The following NEGR1 variants were observed in gnomAD, a reference collection of about 807,000 sequenced individuals.
NEGR1 encodes the protein neuronal growth regulator 1.
NEGR1 carries 10 observed loss-of-function variants against 40.9 expected under a neutral mutation model. That is an observed-to-expected ratio of 0.24 (90% CI 0.15 to 0.42). The LOEUF (loss-of-function observed/expected upper bound fraction) is 0.42, where lower values mean the gene tolerates loss of function less well. Ranked by LOEUF, NEGR1 falls within the 10% of genes least tolerant of loss-of-function variation. The pLI, the probability that NEGR1 is intolerant of heterozygous loss-of-function variation, is 1.00. For synonymous variants in NEGR1, 185 were observed against 166.8 expected, an observed-to-expected ratio of 1.11 and a Z score of -0.84; for missense variants, 352 against 438.9, an observed-to-expected ratio of 0.80 and a Z score of 1.77.
intron 4 of NEGR1, among the ~76,000 whole-genome samples, chr1:71,624,193 T>G (rs1461978849): frequency 6.6e-6 from 1 of 151,992 alleles, no homozygotes; most frequent in South Asian, 2.1e-4. Context: ...TGAGAAACAT[T>G]TCTAAGTCTT....
At chr1:71,781,793 C>G (rs1042866351) in intron 2 of NEGR1, among the ~76,000 whole-genome samples, 1 of 152,116 alleles carries the variant, frequency 6.6e-6, no homozygotes, top group Non-Finnish European at 1.5e-5. Context: ...TGTTATATAT[C>G]TATTTGAATT....
chr1:72,000,385 A>T (rs1303138838), intron 1 of NEGR1, among the ~76,000 whole-genome samples: 4 of 152,064 alleles, frequency 2.6e-5, no homozygotes, highest in Non-Finnish European at 4.4e-5. Flanking sequence ...TCTGTAAAAT[A>T]CTCATTTTAC....
intron 1 of NEGR1, among the ~76,000 whole-genome samples, chr1:72,016,837 G>A (rs1198954749): frequency 1.3e-5 from 2 of 152,110 alleles, no homozygotes; most frequent in African/African-American, 4.8e-5. Context: ...GTCGAATCCA[G>A]TTAATTACAA....
intron 2 of NEGR1, among the ~76,000 whole-genome samples, chr1:71,851,111 A>T (rs1659585246): frequency 6.6e-6 from 1 of 152,164 alleles, no homozygotes; most frequent in African/African-American, 2.4e-5. Context: ...AGCTTTGGCT[A>T]TCTACATGAC....
At chr1:71,544,387 T>A (rs1647820933) in intron 6 of NEGR1, among the ~76,000 whole-genome samples, 1 of 151,660 alleles carries the variant, frequency 6.6e-6, no homozygotes, top group Non-Finnish European at 1.5e-5. Context: ...ATGCTTTGAG[T>A]TCCACTTTGT....
chr1:71,793,331 G>C (rs1268550035), intron 2 of NEGR1, among the ~76,000 whole-genome samples: 2 of 23,224 alleles, frequency 8.6e-5, no homozygotes, highest in Middle Eastern at 0.048. Flanking sequence ...GGTTGGTCTT[G>C]AACTCCCGAC....
chr1:72,275,245 C>A lies in NEGR1; in HGVS notation c.176+7074G>T, dbSNP rs1226248863. 2.8e-5 allele frequency: 16 copies of A among 571,370 alleles called. 1 individual carries two copies. The Admixed American group carries it at 4.3e-4, about 15-fold the overall frequency. 35.4% of individuals were successfully genotyped at this position (571,370 alleles called of 1,614,324 possible). ...ATTTCTATTATTTATTCATAATGATCTTAAAAGTTATACCACATTTTTTTC... is the reference window on the plus strand; with the variant it reads ...ATTTCTATTATTTATTCATAATGATATTAAAAGTTATACCACATTTTTTTC... On this transcript the variant is annotated intron_variant, in intron 1 of 6. Coordinates refer to ENST00000357731, the MANE Select transcript of NEGR1 (RefSeq NM_173808.3).
chr1:71,823,830 G>A (rs1277833590), intron 2 of NEGR1, among the ~76,000 whole-genome samples: 2 of 152,040 alleles, frequency 1.3e-5, no homozygotes, highest in African/African-American at 4.8e-5. Context: ...GGCCAACGCC[G>A]CCTATTTTGC....
intron 4 of NEGR1, among the ~76,000 whole-genome samples, chr1:71,685,246 A>T (rs1324390131): frequency 1.3e-5 from 2 of 151,980 alleles, no homozygotes; most frequent in Non-Finnish European, 2.9e-5. Flanking sequence ...ATTCATTTAC[A>T]ATAGGGTTTA....
intron 1 of NEGR1, among the ~76,000 whole-genome samples, chr1:71,958,210 C>A (rs1265199287): frequency 6.6e-6 from 1 of 152,152 alleles, no homozygotes; most frequent in African/African-American, 2.4e-5. Flanking sequence ...TGCCTTGTAG[C>A]CTTCCCTTTC....
chr1:72,125,091 G>A (rs545739877), intron 1 of NEGR1, among the ~76,000 whole-genome samples: 5 of 152,174 alleles, frequency 3.3e-5, no homozygotes, highest in Middle Eastern at 3.4e-3. Flanking sequence ...GTTGTAAAGA[G>A]TGACATCTAG....
chr1:71,865,479 G>T (rs927366697), intron 2 of NEGR1, among the ~76,000 whole-genome samples: 7 of 152,072 alleles, frequency 4.6e-5, no homozygotes, highest in Non-Finnish European at 7.4e-5. Context: ...GCAAACTAAT[G>T]CAGGAACAGA....
intron 1 of NEGR1, among the ~76,000 whole-genome samples, chr1:72,096,647 C>CTTTTA (rs3080211): frequency 0.26 from 38,504 of 149,156 alleles, 5,095 homozygotes; most frequent in Non-Finnish European, 0.29. Context: ...GTATCTTTTA[C>CTTTTA]TTTTATTTTA....
At chr1:71,561,012 G>C (rs995480780) in intron 6 of NEGR1, among the ~76,000 whole-genome samples, 5 of 151,524 alleles carry the variant, frequency 3.3e-5, no homozygotes, top group Non-Finnish European at 7.4e-5. Flanking sequence ...TTTATGTTCT[G>C]AAAAATTGGG....
chr1:71,421,916 CTTTT>C (rs199992043), intron 6 of NEGR1, among the ~76,000 whole-genome samples: 1 of 143,366 alleles, frequency 7.0e-6, no homozygotes, highest in Non-Finnish European at 1.5e-5. Flanking sequence ...CCTTGTTACA[CTTTT>C]TTTTTTTTTT....
chr1:72,247,636 A>G (rs1024440889), intron 1 of NEGR1, among the ~76,000 whole-genome samples: 3 of 152,148 alleles, frequency 2.0e-5, no homozygotes, highest in Non-Finnish European at 4.4e-5. Context: ...TTCTATCAGC[A>G]TTTTGGTCAT....
intron 3 of NEGR1, among the ~76,000 whole-genome samples, chr1:71,750,139 G>A (rs369361153): frequency 6.6e-6 from 1 of 151,920 alleles, no homozygotes; most frequent in South Asian, 2.1e-4. Context: ...GACTACAGGC[G>A]CCCGCCACCG....
At chr1:72,100,269 C>T (rs1305610903) in intron 1 of NEGR1, among the ~76,000 whole-genome samples, 1 of 152,128 alleles carries the variant, frequency 6.6e-6, no homozygotes, top group African/African-American at 2.4e-5. Flanking sequence ...ATAACATAAA[C>T]TTTCTATACT....
At chr1:71,453,309 AG>A (rs1646646177) in intron 6 of NEGR1, among the ~76,000 whole-genome samples, 1 of 152,094 alleles carries the variant, frequency 6.6e-6, no homozygotes, top group African/African-American at 2.4e-5. Flanking sequence ...GTGGGGTCTT[AG>A]TGAAATAGCT....
Sources: gnomAD v4.1 joint callset for allele counts (sites outside exome capture counted in the v4.1 genomes callset) on GRCh38, gnomAD v4.1.1 for gene constraint, MANE v1.5 for transcripts, NCBI Gene and HGNC (gene_info 2026-07-23, HGNC 2026-07-21) for gene names.